Variants in MED31 observed in about 807,000 individuals in gnomAD.
MED31 encodes mediator complex subunit 31, also known as mediator of RNA polymerase II transcription subunit 31.
In MED31, 11 loss-of-function variants were observed where a neutral mutation model predicts 22.0. That is an observed-to-expected ratio of 0.50 (90% CI 0.31 to 0.83). The LOEUF is 0.83. MED31 is among the 40% of genes least tolerant of loss of function. The probability of loss-of-function intolerance (pLI) is 0.04; values close to 1 mark genes in which losing one functional copy is unlikely to be tolerated. For missense variants in MED31, 122 were observed against 155.3 expected (o/e 0.79, Z 1.14); for synonymous variants, 60 against 55.1 (o/e 1.09, Z -0.40).
intron 3 of MED31, among the ~76,000 whole-genome samples, chr17:6,647,220 T>G (rs567127537): frequency 1.3e-5 from 2 of 152,304 alleles, no homozygotes; most frequent in Non-Finnish European, 2.9e-5. Flanking sequence ...CCGGCACTGG[T>G]GCGGGTCCTC....
intron 3 of MED31, among the ~76,000 whole-genome samples, chr17:6,646,786 C>T (rs776518732): frequency 5.3e-5 from 8 of 152,186 alleles, no homozygotes; most frequent in Non-Finnish European, 1.2e-4. Context: ...TCCCCCAGCC[C>T]GACACCTGTA....
intron 3 of MED31, among the ~76,000 whole-genome samples, chr17:6,646,180 A>G (rs1972764533): frequency 2.0e-5 from 3 of 152,212 alleles, no homozygotes; most frequent in African/African-American, 7.2e-5. Flanking sequence ...AACTGGCAAA[A>G]TGTGAATGAG....
Position 6,651,486 on chromosome 17 carries a change from C to A in MED31, c.28+15G>T. 2 of 1,614,136 alleles carry A rather than the reference C, an allele frequency of 1.2e-6. No individual in the cohort carries two copies. The highest frequency in any genetic ancestry group is 1.7e-6 in the Non-Finnish European group (2 of 1,180,006). ...GTTCCATCTGCGAAGACTCCAAGAT[C>A]AGAGAGCTACTCACCTGTCTCCATA... On this transcript the variant is annotated intron_variant, in intron 1 of 3. Transcript: ENST00000225728.
chr17:6,649,880 A>G, intron 3 of MED31, 102 bp downstream of exon 3: 1 of 1,164,996 alleles, frequency 8.6e-7, no homozygotes, highest in Non-Finnish European at 1.1e-6. Flanking sequence ...GATAACAAAA[A>G]GAAGTGGAGA....
In MED31 at chr17:6,651,585, G is replaced by A. The variant is rs536075222; in HGVS notation, c.-57C>T. ...TGACAGAGCAAAAGCCCAGAGACGCGGGCGAAGTTCCGGAAACCACGGCTC... is the reference window on the plus strand; with the variant it reads ...TGACAGAGCAAAAGCCCAGAGACGCAGGCGAAGTTCCGGAAACCACGGCTC... On this transcript the variant is annotated 5_prime_UTR_variant, in exon 1 of 4. Transcript: ENST00000225728. The A allele has an allele frequency of 9.9e-6, 16 of 1,610,790 alleles. No homozygotes were observed. The East Asian group carries it at 2.5e-4, about 25-fold the overall frequency.
Position 6,648,939 on chromosome 17 carries a change from A to G in MED31, c.203+1043T>C, listed in dbSNP as rs576208245. ...TCCAACACTGAGTCTGTAAATCTAC[A>G]TACATACAATATTCGTTGAAGTCTA... On this transcript the variant is annotated intron_variant, in intron 3 of 3. Transcript: ENST00000225728. 3.3e-5 allele frequency among the ~76,000 whole-genome samples: 5 copies of G among 152,354 alleles called. No homozygotes were observed. The East Asian group carries it at 9.6e-4, about 29-fold the overall frequency.
intron 3 of MED31, among the ~76,000 whole-genome samples, chr17:6,647,217 T>G (rs1026276820): frequency 6.6e-6 from 1 of 152,186 alleles, no homozygotes; most frequent in Non-Finnish European, 1.5e-5. Context: ...AGACCGGCAC[T>G]GGTGCGGGTC....
At chr17:6,649,124 A>G (rs1348424076) in intron 3 of MED31, among the ~76,000 whole-genome samples, 1 of 112,216 alleles carries the variant, frequency 8.9e-6, no homozygotes, top group Admixed American at 9.0e-5. Flanking sequence ...TTTTCCTCTC[A>G]AACTTTTTTT....
rs546288012 is a variant in MED31 at position 6,651,587 on chromosome 17, G to A, written c.-59C>T. 15 of 1,610,280 alleles carry A rather than the reference G, an allele frequency of 9.3e-6. No individual in the cohort carries two copies. In the African/African-American group the frequency reaches 9.3e-5, roughly 10 times the overall value. ...ACAGAGCAAAAGCCCAGAGACGCGG[G>A]CGAAGTTCCGGAAACCACGGCTCCC... On this transcript the variant is annotated 5_prime_UTR_variant, in exon 1 of 4. Transcript: ENST00000225728.
chr17:6,645,017 A>C (rs1972749313), intron 3 of MED31, among the ~76,000 whole-genome samples: 1 of 152,198 alleles, frequency 6.6e-6, no homozygotes, highest in African/African-American at 2.4e-5. Flanking sequence ...ATTGATAGTT[A>C]CTCATTTTTC....
chr17:6,650,523 G>A, intron 1 of MED31, 90 bp from the exon 2 acceptor site: 1 of 1,173,270 alleles, frequency 8.5e-7, no homozygotes, highest in East Asian at 2.4e-5. Context: ...AAAGAAACCT[G>A]ACTAATGTTG....
chr17:6,644,333 G>A lies in MED31; in HGVS notation c.*134C>T. ...GTCTATTAACAATAAAAAGTTGGAT[G>A]AAAAAGCACACTAAAGGTTCTAGGG... On this transcript the variant is annotated 3_prime_UTR_variant, in exon 4 of 4. Transcript: ENST00000225728. 9.8e-7 allele frequency: 1 copy of A among 1,016,002 alleles called. No homozygotes were observed. Among genetic ancestry groups the A allele is most frequent in the East Asian group, 2.9e-5 (1 of 34,172 alleles). The allele number at this position is 1,016,002 out of a possible 1,614,324, so 62.9% of individuals were successfully genotyped here. A position where few individuals can be genotyped will look rare whatever the true frequency, so the allele number is the denominator to read the frequency against.
Position 6,643,984 on chromosome 17 carries a change from C to G in MED31, c.*483G>C. 2.5e-6 allele frequency: 1 copy of G among 398,018 alleles called. No individual in the cohort carries two copies. Among genetic ancestry groups the G allele is most frequent in the South Asian group, 1.4e-4 (1 of 7,208 alleles). The allele number at this position is 398,018 out of a possible 1,614,324, so 24.7% of individuals were successfully genotyped here. A position where few individuals can be genotyped will look rare whatever the true frequency, so the allele number is the denominator to read the frequency against. On this transcript the variant is annotated 3_prime_UTR_variant, in exon 4 of 4. Coordinates refer to ENST00000225728, the MANE Select transcript of MED31 (RefSeq NM_016060.3). ...TTCCTGTCCTGCAGAATTCAAGAACCTTTATGCAGTTCCTGTCCTATGATT... is the reference window on the plus strand; with the variant it reads ...TTCCTGTCCTGCAGAATTCAAGAACGTTTATGCAGTTCCTGTCCTATGATT...
chr17:6,651,135 A>AAAAAAAAAAAAAAAG (rs1597635335), intron 1 of MED31, among the ~76,000 whole-genome samples: 5 of 149,588 alleles, frequency 3.3e-5, no homozygotes, highest in Admixed American at 3.3e-4. Context: ...AAAAAAAAAA[A>AAAAAAAAAAAAAAAG]AAGAAGCACC....
At chr17:6,647,735 C>G (rs1972783631) in intron 3 of MED31, among the ~76,000 whole-genome samples, 1 of 152,210 alleles carries the variant, frequency 6.6e-6, no homozygotes, top group African/African-American at 2.4e-5. Context: ...TTCATGACAG[C>G]ATTAGTAGTT....
chr17:6,644,397 T>C lies in MED31; in HGVS notation c.*70A>G. On this transcript the variant is annotated 3_prime_UTR_variant, in exon 4 of 4. Transcript: ENST00000225728. ...AGGTAGATAGGAAGAGTTTTCATTT[T>C]TTTTGTCTTCACTGTACAAAAGAAA... The C allele has an allele frequency of 4.8e-6, 7 of 1,453,482 alleles. No homozygotes were observed. Among genetic ancestry groups the C allele is most frequent in the Non-Finnish European group, 5.5e-6 (6 of 1,099,416 alleles). The allele number at this position is 1,453,482 out of a possible 1,614,324, so 90.0% of individuals were successfully genotyped here.
chr17:6,648,163 G>C (rs1360011083), intron 3 of MED31, among the ~76,000 whole-genome samples: 1 of 152,176 alleles, frequency 6.6e-6, no homozygotes, highest in Non-Finnish European at 1.5e-5. Context: ...AATTAACAGA[G>C]GTGTATGACC....
intron 2 of MED31, 75 bp from the exon 3 acceptor site, chr17:6,650,153 G>A (rs1972815206): frequency 7.0e-7 from 1 of 1,423,326 alleles, no homozygotes; most frequent in East Asian, 2.3e-5. Context: ...CTAATATAAA[G>A]GATCTATTTA....
intron 1 of MED31, 42 bp downstream of exon 1, chr17:6,651,459 G>A (rs754548347): frequency 6.2e-7 from 1 of 1,613,356 alleles, no homozygotes; most frequent in Non-Finnish European, 8.5e-7. Flanking sequence ...GGGTCAAGGA[G>A]AGTTCCATCT....
Sources: allele counts gnomAD v4.1 joint callset (sites outside exome capture counted in the v4.1 genomes callset), GRCh38; gene constraint gnomAD v4.1.1; transcripts MANE v1.5; gene names NCBI Gene and HGNC (gene_info 2026-07-23, HGNC 2026-07-21).